CPEB3: variants seen among roughly 807,000 people sequenced by gnomAD.
CPEB3 encodes cytoplasmic polyadenylation element binding protein 3.
In CPEB3, 20 loss-of-function variants were observed where a neutral mutation model predicts 67.2. That is an observed-to-expected ratio of 0.30 (90% CI 0.21 to 0.43). The LOEUF (loss-of-function observed/expected upper bound fraction) is 0.43, where lower values mean the gene tolerates loss of function less well. Ranked by LOEUF, CPEB3 falls within the 20% of genes least tolerant of loss-of-function variation. The pLI, the probability that CPEB3 is intolerant of heterozygous loss-of-function variation, is 1.00. For synonymous variants in CPEB3, 376 were observed against 393.1 expected (o/e 0.96, Z 0.51); for missense variants, 746 against 968.6 (o/e 0.77, Z 3.05).
In CPEB3 at chr10:92,081,521, C is replaced by T; in HGVS notation, c.1688-20G>A. 1 of 1,598,522 alleles carries T rather than the reference C, an allele frequency of 6.3e-7. No individual in the cohort carries two copies. Among genetic ancestry groups the T allele is most frequent in the Admixed American group, 1.7e-5 (1 of 58,962 alleles). ...GTTCAACTGCAAAAAAAAAACAAAACATGGATGTGTATAAATATCTGGGAG... is the reference window on the plus strand; with the variant it reads ...GTTCAACTGCAAAAAAAAAACAAAATATGGATGTGTATAAATATCTGGGAG... On this transcript the variant is annotated intron_variant, in intron 8 of 9. Coordinates refer to ENST00000265997, the MANE Select transcript of CPEB3 (RefSeq NM_014912.5).
rs1327670275 is a variant in CPEB3 at position 92,239,286 on chromosome 10, G to A, written c.1005+60C>T. On this transcript the variant is annotated intron_variant, in intron 2 of 9. Coordinates refer to ENST00000265997, the MANE Select transcript of CPEB3 (RefSeq NM_014912.5). The surrounding 1 kb of genome is among the most constrained non-coding windows in gnomAD (Gnocchi z 6.0). ...TAAGCGGGTGGATGATTAAAAGTCA[G>A]AGAAGTGGCAAAAGGAGCGGGGCAG... 22 of 1,539,992 alleles carry A rather than the reference G, an allele frequency of 1.4e-5. No individual in the cohort carries two copies. The highest frequency in any genetic ancestry group is 1.9e-5 in the Non-Finnish European group (22 of 1,134,834).
intron 2 of CPEB3, among the ~76,000 whole-genome samples, chr10:92,234,002 G>T (rs1590473154): frequency 6.6e-6 from 1 of 151,758 alleles, no homozygotes; most frequent in Middle Eastern, 3.4e-3. Context: ...AGCTACTTGG[G>T]AGGCTGAGGC....
chr10:92,138,815 G>A (rs375568491), intron 6 of CPEB3, among the ~76,000 whole-genome samples: 1 of 152,118 alleles, frequency 6.6e-6, no homozygotes, highest in African/African-American at 2.4e-5. Context: ...TAAAAATAGA[G>A]CTACCATATG....
At chr10:92,280,873 C>T (rs1032100689) in intron 1 of CPEB3, among the ~76,000 whole-genome samples, 1 of 149,660 alleles carries the variant, frequency 6.7e-6, no homozygotes, top group South Asian at 2.1e-4. Flanking sequence ...AATTCTCCTG[C>T]CTCAGCCTCC....
chr10:92,277,572 G>A (rs1039155543), intron 1 of CPEB3, among the ~76,000 whole-genome samples: 5 of 152,112 alleles, frequency 3.3e-5, no homozygotes, highest in Non-Finnish European at 7.4e-5. Context: ...CAGGACGTGT[G>A]AGTCTTCAAA....
chr10:92,068,915 T>C (rs966047205), intron 9 of CPEB3, among the ~76,000 whole-genome samples: 2 of 152,232 alleles, frequency 1.3e-5, no homozygotes, highest in African/African-American at 2.4e-5. Context: ...AACTCACTTC[T>C]GAGTGTTGTT....
chr10:92,207,041 A>G (rs897667220), intron 2 of CPEB3, among the ~76,000 whole-genome samples: 1 of 152,070 alleles, frequency 6.6e-6, no homozygotes, highest in Non-Finnish European at 1.5e-5. Flanking sequence ...GCTGGAGTAC[A>G]GTGGCACGAT....
intron 2 of CPEB3, among the ~76,000 whole-genome samples, chr10:92,201,796 C>T (rs1378224073): frequency 6.6e-6 from 1 of 152,108 alleles, no homozygotes; most frequent in Non-Finnish European, 1.5e-5. Flanking sequence ...TTATTTTCTT[C>T]TTCCAGGTAT....
At chr10:92,275,454 A>T (rs1385498241) in intron 1 of CPEB3, among the ~76,000 whole-genome samples, 1 of 152,220 alleles carries the variant, frequency 6.6e-6, no homozygotes, top group African/African-American at 2.4e-5. Flanking sequence ...CTCATGTTAT[A>T]TGGGTATGTC....
chr10:92,049,077 G>GGCTA lies in CPEB3; in HGVS notation c.*3131_*3134dup, dbSNP rs1368827110. On this transcript the variant is annotated 3_prime_UTR_variant, in exon 10 of 10. Transcript: ENST00000265997. ...CAATGAAAATTTGTCTCAGTACAAA[G>GGCTA]GCTACATTACTATTGAAAAAATACC... 6.6e-6 allele frequency: 1 copy of GGCTA among 152,326 alleles called. No individual in the cohort carries two copies. The highest frequency in any genetic ancestry group is 2.4e-5 in the African/African-American group (1 of 41,338). 9.4% of individuals were successfully genotyped at this position (152,326 alleles called of 1,614,324 possible). A position where few individuals can be genotyped will look rare whatever the true frequency, so the allele number is the denominator to read the frequency against.
chr10:92,147,439 G>C (rs1461239215), intron 4 of CPEB3, among the ~76,000 whole-genome samples: 2 of 151,964 alleles, frequency 1.3e-5, no homozygotes, highest in East Asian at 1.9e-4. Flanking sequence ...CTGGGTGACA[G>C]AGTGAGGCCC....
At chr10:92,266,224 A>G (rs963489009) in intron 1 of CPEB3, among the ~76,000 whole-genome samples, 1 of 152,218 alleles carries the variant, frequency 6.6e-6, no homozygotes, top group African/African-American at 2.4e-5. Context: ...GTCATAAGCG[A>G]CAGAAAACAG....
At chr10:92,142,050 A>AC (rs1392124322) in intron 6 of CPEB3, among the ~76,000 whole-genome samples, 133 of 151,836 alleles carry the variant, frequency 8.8e-4, no homozygotes, top group African/African-American at 3.2e-3. Context: ...AAAAAAAAAA[A>AC]AAACAAAGAA....
intron 4 of CPEB3, among the ~76,000 whole-genome samples, chr10:92,152,940 G>C (rs1847031724): frequency 6.6e-6 from 1 of 152,098 alleles, no homozygotes; most frequent in Non-Finnish European, 1.5e-5. Context: ...TGGGTGGAAG[G>C]CCCAGAAAAT....
At chr10:92,147,609 T>C (rs966485126) in intron 4 of CPEB3, among the ~76,000 whole-genome samples, 2 of 152,140 alleles carry the variant, frequency 1.3e-5, no homozygotes, top group African/African-American at 4.8e-5. Context: ...AATCACAGTC[T>C]GGTGGGGGAG....
intron 7 of CPEB3, among the ~76,000 whole-genome samples, chr10:92,106,899 G>C (rs1230356735): frequency 2.0e-5 from 3 of 150,438 alleles, no homozygotes; most frequent in Admixed American, 2.0e-4. Flanking sequence ...ATCAAGATGA[G>C]AGCATAGATA....
intron 5 of CPEB3, 123 bp downstream of exon 5, chr10:92,144,822 T>C (rs868008950): frequency 1.3e-6 from 1 of 771,602 alleles, no homozygotes; most frequent in Non-Finnish European, 2.1e-6. Flanking sequence ...ATCCACCAAA[T>C]AGTCTCACCT....
chr10:92,275,353 C>A (rs968605133), intron 1 of CPEB3, among the ~76,000 whole-genome samples: 4 of 152,174 alleles, frequency 2.6e-5, no homozygotes, highest in African/African-American at 7.2e-5. Flanking sequence ...GACTTGATTT[C>A]TGTGAAACAA....
At chr10:92,142,714 T>A (rs1229386153) in intron 6 of CPEB3, among the ~76,000 whole-genome samples, 1 of 152,234 alleles carries the variant, frequency 6.6e-6, no homozygotes, top group East Asian at 1.9e-4. Context: ...AATCTTTTCC[T>A]TTACCATTGC....
Sources: gnomAD v4.1 joint callset for allele counts (sites outside exome capture counted in the v4.1 genomes callset) on GRCh38, gnomAD v4.1.1 for gene constraint, Gnocchi (gnomAD v3.1) non-coding constraint, MANE v1.5 for transcripts, NCBI Gene and HGNC (gene_info 2026-07-23, HGNC 2026-07-21) for gene names.